The following IGF2R variants were observed in gnomAD, a reference collection of about 807,000 sequenced individuals.
The protein encoded by IGF2R is insulin like growth factor 2 receptor.
IGF2R carries 91 observed loss-of-function variants against 270.6 expected under a neutral mutation model. That is an observed-to-expected ratio of 0.34 (90% CI 0.28 to 0.40). IGF2R has a LOEUF of 0.40. Ranked by LOEUF, IGF2R falls within the 10% of genes least tolerant of loss-of-function variation. The pLI, the probability that IGF2R is intolerant of heterozygous loss-of-function variation, is 1.00. For missense variants in IGF2R, 2,805 were observed against 3,188.3 expected (o/e 0.88, Z 2.90); for synonymous variants, 1,316 against 1,258.9 (o/e 1.05, Z -0.96).
chr6:160,022,241 TGAGAGGGTGG>T (rs1474151097), intron 4 of IGF2R, among the ~76,000 whole-genome samples: 1 of 151,958 alleles, frequency 6.6e-6, no homozygotes, highest in Non-Finnish European at 1.5e-5. Context: ...TTCAGAAAGG[TGAGAGGGTGG>T]GAGGGCAGTG....
intron 10 of IGF2R, among the ~76,000 whole-genome samples, chr6:160,039,337 T>C (rs1777892009): frequency 6.6e-6 from 1 of 152,240 alleles, no homozygotes; most frequent in African/African-American, 2.4e-5. Flanking sequence ...TACGATACTA[T>C]AATCTTTTGA....
intron 1 of IGF2R, among the ~76,000 whole-genome samples, chr6:159,978,555 G>T (rs139788299): frequency 4.6e-5 from 7 of 152,264 alleles, no homozygotes; most frequent in Non-Finnish European, 8.8e-5. Context: ...CTCCCTGGAG[G>T]GTGGAGGAAT....
Position 160,102,192 on chromosome 6 carries a change from C to T in IGF2R, c.6843-327C>T, listed in dbSNP as rs1344441018. On this transcript the variant is annotated intron_variant, in intron 45 of 47. Transcript: ENST00000356956. This position sits in a 1 kb window ranked among gnomAD's most constrained non-coding sequence, Gnocchi z 4.5. ...GGGACAGCCTCTGCCCCAGCCTAGT[C>T]CTGCCGTGGATTGGGCCACCTAGAG... 6.6e-6 allele frequency among the ~76,000 whole-genome samples: 1 copy of T among 152,220 alleles called. No homozygotes were observed. The highest frequency in any genetic ancestry group is 2.4e-5 in the African/African-American group (1 of 41,458).
intron 1 of IGF2R, among the ~76,000 whole-genome samples, chr6:159,984,357 A>G (rs1278451143): frequency 6.6e-6 from 1 of 152,204 alleles, no homozygotes; most frequent in African/African-American, 2.4e-5. Context: ...ATACTGCTGT[A>G]AACGAACCCA....
chr6:160,081,215 A>G (rs1311662079), intron 39 of IGF2R, among the ~76,000 whole-genome samples: 5 of 151,924 alleles, frequency 3.3e-5, no homozygotes, highest in Admixed American at 1.3e-4. Flanking sequence ...GTTCTTTTCT[A>G]TTTCCCTAAG....
intron 4 of IGF2R, among the ~76,000 whole-genome samples, chr6:160,023,411 T>C (rs565184873): frequency 9.2e-5 from 14 of 152,116 alleles, no homozygotes; most frequent in Non-Finnish European, 1.8e-4. Context: ...AATCAAAGGC[T>C]CATTTTAAAT....
At position 159,983,518 on chromosome 6, in the gene IGF2R, C is replaced by T. The variant is rs3798199; in HGVS notation, c.150-7666C>T. 8.8e-3 allele frequency among the ~76,000 whole-genome samples: 1,338 copies of T among 152,154 alleles called. 53 individuals are homozygous for T. The East Asian group carries it at 0.099, about 11-fold the overall frequency. On this transcript the variant is annotated intron_variant, in intron 1 of 47. Transcript: ENST00000356956. ...TGAGCTTTCTTTATGGGAAAGATTC[C>T]GACTGTGTGCTTGGTTTATATGGTT...
At chr6:160,068,412 G>T in intron 30 of IGF2R, 27 bp downstream of exon 30, 1 of 1,611,656 alleles carries the variant, frequency 6.2e-7, no homozygotes. Flanking sequence ...TCGTGGGGTG[G>T]TGTTTGCAGT....
At chr6:159,986,609 T>G (rs1246537316) in intron 1 of IGF2R, among the ~76,000 whole-genome samples, 1 of 152,194 alleles carries the variant, frequency 6.6e-6, no homozygotes, top group Non-Finnish European at 1.5e-5. Context: ...CACATTCTTT[T>G]GTGTGTGTTT....
At chr6:160,003,080 T>G (rs1377524375) in intron 2 of IGF2R, among the ~76,000 whole-genome samples, 1 of 152,158 alleles carries the variant, frequency 6.6e-6, no homozygotes, top group East Asian at 1.9e-4. Context: ...ACACAGTGAG[T>G]CCGACTGTAG....
At chr6:160,022,013 AACACACACAC>A (rs58646750) in intron 4 of IGF2R, among the ~76,000 whole-genome samples, 6 of 142,846 alleles carry the variant, frequency 4.2e-5, no homozygotes, top group South Asian at 2.2e-4. Context: ...CTAGGTAAAG[AACACACACAC>A]ACACACACAC....
At chr6:160,029,260 G>A (rs542375009) in intron 6 of IGF2R, among the ~76,000 whole-genome samples, 52 of 152,274 alleles carry the variant, frequency 3.4e-4, no homozygotes, top group African/African-American at 1.2e-3. Flanking sequence ...GATTACAGGC[G>A]TGAGCCATCG....
chr6:160,037,255 G>C (rs917289357), intron 10 of IGF2R, among the ~76,000 whole-genome samples: 1 of 152,204 alleles, frequency 6.6e-6, no homozygotes, highest in Non-Finnish European at 1.5e-5. Flanking sequence ...AGAGATGTCA[G>C]GTGTTTTGTG....
intron 1 of IGF2R, among the ~76,000 whole-genome samples, chr6:159,981,009 T>C (rs1783791314): frequency 6.6e-6 from 1 of 152,226 alleles, no homozygotes; most frequent in South Asian, 2.1e-4. Context: ...ACTGTTGAGT[T>C]GATCTGAGCC....
chr6:159,994,300 T>C (rs1784020563), intron 2 of IGF2R, among the ~76,000 whole-genome samples: 1 of 152,064 alleles, frequency 6.6e-6, no homozygotes. Context: ...CAATGTCTAC[T>C]TTTTCATTTC....
At chr6:160,030,534 G>C (rs1315413746) in intron 7 of IGF2R, among the ~76,000 whole-genome samples, 1 of 152,190 alleles carries the variant, frequency 6.6e-6, no homozygotes, top group Non-Finnish European at 1.5e-5. Flanking sequence ...AGGCCGGAGT[G>C]TCTGATGTTT....
chr6:159,999,439 C>T (rs111236501), intron 2 of IGF2R, among the ~76,000 whole-genome samples: 27 of 152,224 alleles, frequency 1.8e-4, no homozygotes, highest in African/African-American at 5.8e-4. Flanking sequence ...TGTGGACAGC[C>T]GGCTCCAGAG....
intron 4 of IGF2R, among the ~76,000 whole-genome samples, chr6:160,021,115 T>C (rs1777423132): frequency 6.6e-6 from 1 of 151,950 alleles, no homozygotes. Flanking sequence ...AAAACCACAA[T>C]CCCTTTAAGA....
At chr6:160,087,962 C>T (rs2114728965) in intron 41 of IGF2R, 71 bp from the exon 42 acceptor site, 1 of 928,278 alleles carries the variant, frequency 1.1e-6, no homozygotes, top group Non-Finnish European at 1.8e-6. Flanking sequence ...CAGGTGTGAG[C>T]CACTGCGCCT....
Sources: allele counts gnomAD v4.1 joint callset (sites outside exome capture counted in the v4.1 genomes callset), GRCh38; gene constraint gnomAD v4.1.1; non-coding constraint Gnocchi (gnomAD v3.1); transcripts MANE v1.5; gene names NCBI Gene and HGNC (gene_info 2026-07-23, HGNC 2026-07-21).